The following ALK variants were observed in gnomAD, a reference collection of about 807,000 sequenced individuals.
ALK encodes the protein ALK tyrosine kinase receptor.
In ALK, 74 loss-of-function variants were observed where a neutral mutation model predicts 163.1. That is an observed-to-expected ratio of 0.45 (90% CI 0.38 to 0.55). The LOEUF is 0.55. Ranked by LOEUF, ALK falls within the 20% of genes least tolerant of loss-of-function variation. ALK has a pLI of 0.00. For missense variants in ALK, 2,063 were observed against 2,105.3 expected, an observed-to-expected ratio of 0.98 and a Z score of 0.39; for synonymous variants, 960 against 843.2, an observed-to-expected ratio of 1.14 and a Z score of -2.40.
intron 4 of ALK, among the ~76,000 whole-genome samples, chr2:29,460,331 A>G (rs963745929): frequency 1.3e-5 from 2 of 152,210 alleles, no homozygotes; most frequent in Admixed American, 6.5e-5. Context: ...GCAATACTTG[A>G]TCATTGTTCT....
Position 29,583,087 on chromosome 2 carries a change from C to T in ALK, c.953-50971G>A, listed in dbSNP as rs145990084. On this transcript the variant is annotated intron_variant, in intron 3 of 28. Coordinates refer to ENST00000389048, the MANE Select transcript of ALK (RefSeq NM_004304.5). Reference sequence around the variant, plus strand: ...AAAGATGGGATTTTGCCATGTTGGCCAGGCTGGTCTCAAACTCCTAACCTC... The same window carrying T: ...AAAGATGGGATTTTGCCATGTTGGCTAGGCTGGTCTCAAACTCCTAACCTC... 6.1e-3 allele frequency among the ~76,000 whole-genome samples: 894 copies of T among 147,116 alleles called. 11 individuals carry two copies. The highest frequency in any genetic ancestry group is 0.02 in the African/African-American group (795 of 39,152).
At chr2:29,870,593 A>G (rs142393300) in intron 1 of ALK, among the ~76,000 whole-genome samples, 40 of 134,464 alleles carry the variant, frequency 3.0e-4, no homozygotes, top group Admixed American at 1.0e-3. Flanking sequence ...TGATTTATCT[A>G]TTTTAGAAAA....
At chr2:29,576,008 T>C (rs984381576) in intron 3 of ALK, among the ~76,000 whole-genome samples, 3 of 152,174 alleles carry the variant, frequency 2.0e-5, no homozygotes, top group Non-Finnish European at 4.4e-5. Flanking sequence ...GATGTGCCTA[T>C]GTGCTCCTGA....
intron 1 of ALK, among the ~76,000 whole-genome samples, chr2:29,779,563 C>T (rs769365270): frequency 6.6e-6 from 1 of 152,188 alleles, no homozygotes; most frequent in Admixed American, 6.5e-5. Context: ...GCATCATTCT[C>T]TCTGCAGAAT....
At chr2:29,875,444 CT>C (rs1276494822) in intron 1 of ALK, among the ~76,000 whole-genome samples, 1 of 152,088 alleles carries the variant, frequency 6.6e-6, no homozygotes, top group Non-Finnish European at 1.5e-5. Context: ...ACTTTAAGTT[CT>C]GGGATACATG....
intron 5 of ALK, among the ~76,000 whole-genome samples, chr2:29,361,243 C>T (rs1433644664): frequency 6.6e-6 from 1 of 152,212 alleles, no homozygotes; most frequent in African/African-American, 2.4e-5. Flanking sequence ...ACATTATTCA[C>T]CAGGGTGGGA....
chr2:29,717,547 T>C, intron 2 of ALK, 31 bp downstream of exon 2: 4 of 1,613,216 alleles, frequency 2.5e-6, no homozygotes, highest in Non-Finnish European at 3.4e-6. Flanking sequence ...AGTGACAGTG[T>C]ATCTCAAGTA....
rs570410820 is a variant in ALK at position 29,434,315 on chromosome 2, T to C, written c.1155-50456A>G. Among the ~76,000 whole-genome samples, 8 of 152,300 alleles carry C rather than the reference T, an allele frequency of 5.3e-5. No homozygotes were observed. The East Asian group carries it at 7.7e-4, about 15-fold the overall frequency. On this transcript the variant is annotated intron_variant, in intron 4 of 28. Coordinates refer to ENST00000389048, the MANE Select transcript of ALK (RefSeq NM_004304.5). ...ATGAGACGGAGGCTAGGGTAGTATG[T>C]TGAGGATAGTTCATTCCTTTTCTGA...
At chr2:29,214,624 G>A (rs1669552278) in intron 23 of ALK, among the ~76,000 whole-genome samples, 2 of 152,212 alleles carry the variant, frequency 1.3e-5, no homozygotes. Flanking sequence ...GGGCAATTAT[G>A]AGCTATCTCA....
At chr2:29,432,381 C>T (rs114639192) in intron 4 of ALK, among the ~76,000 whole-genome samples, 2,192 of 152,206 alleles carry the variant, frequency 0.014, 32 homozygotes, top group African/African-American at 0.051. Context: ...CAGGCTCCCC[C>T]GCCCCTTCTG....
chr2:29,329,928 T>G (rs1474204798), intron 5 of ALK, among the ~76,000 whole-genome samples: 1 of 152,190 alleles, frequency 6.6e-6, no homozygotes, highest in Non-Finnish European at 1.5e-5. Context: ...GCCCCACACC[T>G]GGTATGTGGG....
chr2:29,438,356 G>A (rs544936457), intron 4 of ALK, among the ~76,000 whole-genome samples: 1 of 152,274 alleles, frequency 6.6e-6, no homozygotes, highest in African/African-American at 2.4e-5. Context: ...ACATGAGCTG[G>A]TCATAGAAGA....
chr2:29,784,078 A>T (rs184514450), intron 1 of ALK, among the ~76,000 whole-genome samples: 9 of 152,184 alleles, frequency 5.9e-5, no homozygotes, highest in Non-Finnish European at 1.0e-4. Context: ...CGAGAGAGCG[A>T]GACAGAGACA....
At position 29,866,756 on chromosome 2, in the gene ALK, A is replaced by G. The variant is rs72794303; in HGVS notation, c.667+53237T>C. Among the ~76,000 whole-genome samples, 1,031 of 152,344 alleles carry G rather than the reference A, an allele frequency of 6.8e-3. 6 individuals are homozygous for G. The highest frequency in any genetic ancestry group is 0.012 in the Non-Finnish European group (792 of 68,030). Reference sequence around the variant, plus strand: ...AGATACTGAAACAGAGAAGAGTCTGAAAGAAAATTCTTAAAGGCCTATTGA... The same window carrying G: ...AGATACTGAAACAGAGAAGAGTCTGGAAGAAAATTCTTAAAGGCCTATTGA... On this transcript the variant is annotated intron_variant, in intron 1 of 28. Transcript: ENST00000389048.
intron 1 of ALK, among the ~76,000 whole-genome samples, chr2:29,734,640 CCT>C (rs1325242549): frequency 5.9e-5 from 9 of 151,672 alleles, no homozygotes; most frequent in Admixed American, 4.6e-4. Flanking sequence ...TCTCTTTCTC[CCT>C]CTCTCTTTCT....
intron 3 of ALK, among the ~76,000 whole-genome samples, chr2:29,534,850 C>A (rs1022435400): frequency 6.6e-6 from 1 of 152,120 alleles, no homozygotes; most frequent in Non-Finnish European, 1.5e-5. Flanking sequence ...TCAAAGCTGA[C>A]TGGAAGATTT....
chr2:29,717,788 AG>A (rs1312942453), intron 1 of ALK, 91 bp from the exon 2 acceptor site: 1 of 1,565,456 alleles, frequency 6.4e-7, no homozygotes, highest in Admixed American at 1.7e-5. Flanking sequence ...GAAGTTTATA[AG>A]GGGCTTTCAT....
chr2:29,640,401 TAA>T (rs1676668394), intron 3 of ALK, among the ~76,000 whole-genome samples: 1 of 152,100 alleles, frequency 6.6e-6, no homozygotes, highest in African/African-American at 2.4e-5. Context: ...TCTGGTTGTT[TAA>T]AAGTGTGTGA....
chr2:29,657,621 G>A (rs1677223687), intron 3 of ALK, among the ~76,000 whole-genome samples: 1 of 152,278 alleles, frequency 6.6e-6, no homozygotes, highest in South Asian at 2.1e-4. Flanking sequence ...GAAAAACACA[G>A]TGGGTAGATA....
Sources: allele counts gnomAD v4.1 joint callset (sites outside exome capture counted in the v4.1 genomes callset), GRCh38; gene constraint gnomAD v4.1.1; transcripts MANE v1.5; gene names NCBI Gene and HGNC (gene_info 2026-07-23, HGNC 2026-07-21).